The following FHAD1 variants were observed in gnomAD, a reference collection of about 807,000 sequenced individuals.
FHAD1 encodes forkhead-associated domain-containing protein 1.
In FHAD1, 146 loss-of-function variants were observed where a neutral mutation model predicts 191.3. That is an observed-to-expected ratio of 0.76 (90% CI 0.67 to 0.88). FHAD1 has a LOEUF of 0.88. FHAD1 is among the 40% of genes least tolerant of loss of function. The probability of loss-of-function intolerance (pLI) is 0.00; values close to 1 mark genes in which losing one functional copy is unlikely to be tolerated. For synonymous variants in FHAD1, 616 were observed against 672.3 expected, an observed-to-expected ratio of 0.92 and a Z score of 1.29; for missense variants, 1,635 against 1,785.8, an observed-to-expected ratio of 0.92 and a Z score of 1.52.
chr1:15,330,323 T>C (rs2101868557), intron 14 of FHAD1, among the ~76,000 whole-genome samples: 1 of 152,334 alleles, frequency 6.6e-6, no homozygotes, highest in Non-Finnish European at 1.5e-5. Flanking sequence ...TCACTTTCTT[T>C]CAACAAATAG....
rs1266208244 is a variant in FHAD1 at position 15,313,179 on chromosome 1, G to A, written c.1162G>A (p.Gly388Ser). The change falls in exon 8 of 34, where the codon GGC becomes AGC. Residue 388 changes from glycine to serine, a missense_variant. Coordinates refer to ENST00000688493, the MANE Select transcript of FHAD1 (RefSeq NM_001391957.1). ...CAAGGACCACCAGCTGGAAGCCCTT[G>A]GCTCTAGAGTGAGTAAGGATGACTG... ...KDKDHQLEAL[G>S]SRCSVLKEEL... The A allele has an allele frequency of 1.3e-6, 2 of 1,551,908 alleles. No homozygotes were observed. Among genetic ancestry groups the A allele is most frequent in the South Asian group, 2.4e-5 (2 of 84,060 alleles).
chr1:15,363,756 G>T (rs913128745), intron 23 of FHAD1: 2 of 456,438 alleles, frequency 4.4e-6, no homozygotes, highest in East Asian at 6.9e-5. Flanking sequence ...CTACAAAGAA[G>T]TCTATCCTCA....
intron 22 of FHAD1, among the ~76,000 whole-genome samples, chr1:15,361,344 A>G (rs1294353090): frequency 1.3e-5 from 2 of 152,154 alleles, no homozygotes; most frequent in Admixed American, 1.3e-4. Flanking sequence ...CCTGTCCTCC[A>G]TCCATCAGTT....
At chr1:15,353,571 G>GGCAC (rs1691604548) in intron 20 of FHAD1, among the ~76,000 whole-genome samples, 1 of 151,918 alleles carries the variant, frequency 6.6e-6, no homozygotes, top group South Asian at 2.1e-4. Flanking sequence ...TGGGCGTGGT[G>GGCAC]GCACGCGCCT....
At chr1:15,248,579 C>T (rs1752013) in intron 1 of FHAD1, among the ~76,000 whole-genome samples, 43,354 of 144,970 alleles carry the variant, frequency 0.3, 7,171 homozygotes, top group Non-Finnish European at 0.39. Context: ...AGGAGATGAC[C>T]TTTTTTTTTT....
rs185786534 is a variant in FHAD1 at position 15,263,415 on chromosome 1, T to C, written c.94-8908T>C. On this transcript the variant is annotated intron_variant, in intron 2 of 33. Coordinates refer to ENST00000688493, the MANE Select transcript of FHAD1 (RefSeq NM_001391957.1). ...GGAAGCTTTTCTTCTATGTTTTCTT[T>C]TAAGGGTTTTATAGTGTTAGCTCTT... 1.5e-3 allele frequency among the ~76,000 whole-genome samples: 235 copies of C among 152,182 alleles called. 4 individuals are homozygous for C. Among genetic ancestry groups the C allele is most frequent in the Admixed American group, 0.014 (211 of 15,292 alleles).
Position 15,345,101 on chromosome 1 carries a change from A to T in FHAD1, c.2149A>T (p.Thr717Ser). The change falls in exon 17 of 34, where the codon ACT becomes TCT. Residue 717 changes from threonine to serine, a missense_variant. Coordinates refer to ENST00000688493, the MANE Select transcript of FHAD1 (RefSeq NM_001391957.1). ...EEKAALEEYI[T>S]QERNRAKETL... ...TTTCCAGGCTTTGGAGGAGTACATT[A>T]CTCAAGAGAGAAACAGAGCGAAAGA... The T allele has an allele frequency of 6.4e-7, 1 of 1,551,500 alleles. No homozygotes were observed. The highest frequency in any genetic ancestry group is 8.7e-7 in the Non-Finnish European group (1 of 1,146,888).
At chr1:15,307,707 A>C (rs1670931218) in intron 6 of FHAD1, among the ~76,000 whole-genome samples, 1 of 150,966 alleles carries the variant, frequency 6.6e-6, no homozygotes, top group Non-Finnish European at 1.5e-5. Context: ...AGCCAGTGAA[A>C]CTGTAATTCC....
intron 19 of FHAD1, among the ~76,000 whole-genome samples, chr1:15,350,462 G>A (rs965651323): frequency 2.0e-5 from 3 of 152,268 alleles, no homozygotes; most frequent in Admixed American, 1.3e-4. Flanking sequence ...GAGCTTGCCA[G>A]GAGGTAGACG....
upstream of FHAD1, among the ~76,000 whole-genome samples, chr1:15,244,249 C>G (rs1184164361): frequency 6.6e-6 from 1 of 152,118 alleles, no homozygotes; most frequent in Non-Finnish European, 1.5e-5. The surrounding 1 kb of genome is among the most constrained non-coding windows in gnomAD (Gnocchi z 5.1). Context: ...ACAGTGGCAT[C>G]CTGAGGGACA....
chr1:15,367,296 G>T (rs1696779887), intron 24 of FHAD1, among the ~76,000 whole-genome samples, 167 bp from the exon 25 acceptor site: 1 of 152,126 alleles, frequency 6.6e-6, no homozygotes, highest in South Asian at 2.1e-4. Flanking sequence ...AGGAGTTTGA[G>T]ACCAGCCTGG....
upstream of FHAD1, among the ~76,000 whole-genome samples, chr1:15,245,544 G>A (rs183310636): frequency 1.6e-3 from 239 of 152,332 alleles, no homozygotes; most frequent in Middle Eastern, 0.01. Flanking sequence ...CAAGAGCAAA[G>A]GCTCTGAGGC....
chr1:15,328,378 G>A lies in FHAD1; in HGVS notation c.1659G>A (p.Glu553=). 6.5e-7 allele frequency: 1 copy of A among 1,547,362 alleles called. No individual in the cohort carries two copies. The change falls in exon 13 of 34, where the codon GAG becomes GAA. Residue 553 remains glutamate (E), a synonymous_variant. Coordinates refer to ENST00000688493, the MANE Select transcript of FHAD1 (RefSeq NM_001391957.1). The stretch of plus-strand genomic sequence containing the variant: ...CCCAGCTGAGCAACTCCAAGCAGGA[G>A]GAGACCACCGAGAACATCGAGAAGC... The part of the protein sequence containing the change: ...KETQLSNSKQ[E]ETTENIEKLR...
At chr1:15,355,758 G>A (rs931490700) in intron 20 of FHAD1, among the ~76,000 whole-genome samples, 3 of 152,142 alleles carry the variant, frequency 2.0e-5, no homozygotes, top group African/African-American at 7.2e-5. Flanking sequence ...GTAACAGCAA[G>A]GTTAAGACCC....
At chr1:15,354,617 G>A (rs758969139) in intron 20 of FHAD1, among the ~76,000 whole-genome samples, 5 of 152,092 alleles carry the variant, frequency 3.3e-5, no homozygotes, top group Non-Finnish European at 5.9e-5. Flanking sequence ...AAAAAGGAGA[G>A]GTTAAAGTTT....
chr1:15,353,433 G>A (rs1052316436), intron 20 of FHAD1, among the ~76,000 whole-genome samples: 3 of 152,068 alleles, frequency 2.0e-5, no homozygotes, highest in African/African-American at 4.8e-5. Flanking sequence ...GGCTGGGCGC[G>A]GTGGCTCGCA....
intron 4 of FHAD1, among the ~76,000 whole-genome samples, chr1:15,296,393 A>T (rs1012156855): frequency 4.6e-5 from 7 of 151,604 alleles, no homozygotes; most frequent in African/African-American, 7.3e-5. Flanking sequence ...AGCTGGGACT[A>T]TAGGCGCCCG....
chr1:15,263,712 G>A lies in FHAD1; in HGVS notation c.94-8611G>A, dbSNP rs183128394. 2.1e-3 allele frequency among the ~76,000 whole-genome samples: 313 copies of A among 151,830 alleles called. 1 individual carries two copies. The highest frequency in any genetic ancestry group is 6.9e-3 in the African/African-American group (287 of 41,442). On this transcript the variant is annotated intron_variant, in intron 2 of 33. Transcript: ENST00000688493. ...AATTTTTTGTATTTTTAGTAGAGGCGGGGTTTCATTGTGTTAGCCCAGATG... is the reference window on the plus strand; with the variant it reads ...AATTTTTTGTATTTTTAGTAGAGGCAGGGTTTCATTGTGTTAGCCCAGATG...
At chr1:15,387,230 T>G (rs1236878487) in intron 31 of FHAD1, among the ~76,000 whole-genome samples, 1 of 152,200 alleles carries the variant, frequency 6.6e-6, no homozygotes, top group Non-Finnish European at 1.5e-5. Flanking sequence ...ATCAGTAGTA[T>G]TTTATTTAAC....
Sources: allele counts gnomAD v4.1 joint callset (sites outside exome capture counted in the v4.1 genomes callset), GRCh38; gene constraint gnomAD v4.1.1; non-coding constraint Gnocchi (gnomAD v3.1); transcripts MANE v1.5; gene names NCBI Gene and HGNC (gene_info 2026-07-23, HGNC 2026-07-21).